The following NTRK2 variants were observed in gnomAD, a reference collection of about 807,000 sequenced individuals.
NTRK2 encodes the protein neurotrophic receptor tyrosine kinase 2.
In NTRK2, 13 loss-of-function variants were observed where a neutral mutation model predicts 94.5. The ratio of observed to expected loss-of-function variants is 0.14; its 90% CI spans 0.09 to 0.22. NTRK2 has a LOEUF of 0.22. Among genes scored for constraint, NTRK2 ranks in the 10% least tolerant of loss-of-function variants. NTRK2 has a pLI of 1.00. For synonymous variants in NTRK2, 372 were observed against 407.4 expected (o/e 0.91, Z 1.05); for missense variants, 639 against 1,071.2 (o/e 0.60, Z 5.63).
At chr9:84,846,335 A>G (rs1314676591) in intron 12 of NTRK2, among the ~76,000 whole-genome samples, 3 of 152,246 alleles carry the variant, frequency 2.0e-5, no homozygotes, top group Admixed American at 1.3e-4. Context: ...CATGTGATCA[A>G]TAGAATGCAG....
chr9:84,841,698 C>CA (rs769617502), intron 12 of NTRK2, among the ~76,000 whole-genome samples: 3 of 152,194 alleles, frequency 2.0e-5, no homozygotes, highest in Non-Finnish European at 4.4e-5. Context: ...TCCCTCCTCC[C>CA]ACCTTACTTA....
chr9:84,811,711 C>T (rs1299526214), intron 12 of NTRK2: 5 of 1,065,526 alleles, frequency 4.7e-6, no homozygotes, highest in South Asian at 4.5e-5. Context: ...GGTGGCAGGT[C>T]GCTAATGAAT....
intron 2 of NTRK2, among the ~76,000 whole-genome samples, chr9:84,701,602 A>G (rs2060725498): frequency 6.6e-6 from 1 of 152,144 alleles, no homozygotes; most frequent in Non-Finnish European, 1.5e-5. Flanking sequence ...TGGTTCATCA[A>G]AGGAAAGATT....
chr9:84,804,823 A>T (rs1413422889), intron 12 of NTRK2, among the ~76,000 whole-genome samples: 1 of 152,194 alleles, frequency 6.6e-6, no homozygotes, highest in African/African-American at 2.4e-5. Context: ...TATCGACCCT[A>T]TAGATTTTTC....
chr9:84,710,149 A>T (rs2061344833), intron 5 of NTRK2, among the ~76,000 whole-genome samples: 1 of 152,202 alleles, frequency 6.6e-6, no homozygotes, highest in Admixed American at 6.5e-5. Context: ...TTAGCTTTGT[A>T]CTTACAGTCT....
At chr9:84,926,247 T>A (rs1472867339) in intron 14 of NTRK2, among the ~76,000 whole-genome samples, 1 of 150,366 alleles carries the variant, frequency 6.7e-6, no homozygotes, top group Non-Finnish European at 1.5e-5. Context: ...TTTCCTTCTT[T>A]TTGAGATGGA....
intron 14 of NTRK2, among the ~76,000 whole-genome samples, chr9:84,892,206 G>A (rs1014559336): frequency 4.6e-5 from 7 of 152,152 alleles, no homozygotes; most frequent in African/African-American, 1.7e-4. Flanking sequence ...TGCTACACAG[G>A]ATTGTATATT....
chr9:84,676,139 G>C (rs908940245), intron 2 of NTRK2, among the ~76,000 whole-genome samples: 1 of 152,192 alleles, frequency 6.6e-6, no homozygotes, highest in Non-Finnish European at 1.5e-5. Context: ...CCAGTTACCT[G>C]ATCTTGAAGC....
intron 9 of NTRK2, among the ~76,000 whole-genome samples, chr9:84,730,529 A>T (rs2132121097): frequency 7.5e-6 from 1 of 133,806 alleles, no homozygotes; most frequent in East Asian, 2.1e-4. Flanking sequence ...TCACGAGGTC[A>T]GGAGATCGAG....
chr9:84,930,424 G>A (rs1426144790), intron 14 of NTRK2, among the ~76,000 whole-genome samples: 1 of 152,160 alleles, frequency 6.6e-6, no homozygotes, highest in Non-Finnish European at 1.5e-5. Context: ...GTGGTGCAGG[G>A]TAATGGCTCC....
At chr9:84,889,361 AC>A (rs1258985283) in intron 14 of NTRK2, among the ~76,000 whole-genome samples, 2 of 152,002 alleles carry the variant, frequency 1.3e-5, no homozygotes, top group African/African-American at 2.4e-5. Flanking sequence ...ATTCTAAAAT[AC>A]CTTTGATACT....
At chr9:84,794,923 C>T (rs1033106388) in intron 12 of NTRK2, among the ~76,000 whole-genome samples, 7 of 152,150 alleles carry the variant, frequency 4.6e-5, no homozygotes, top group Non-Finnish European at 1.0e-4. Flanking sequence ...ACAATCTCAT[C>T]AAAGCTGTGA....
At chr9:84,813,330 C>G in intron 12 of NTRK2, 1 of 1,016,868 alleles carries the variant, frequency 9.8e-7, no homozygotes, top group East Asian at 5.2e-5. Flanking sequence ...AAACATGAAA[C>G]CTGGATTTCG....
At chr9:84,780,052 T>C (rs2067416718) in intron 12 of NTRK2, among the ~76,000 whole-genome samples, 2 of 152,038 alleles carry the variant, frequency 1.3e-5, no homozygotes, top group Non-Finnish European at 2.9e-5. Context: ...CGGTTTTTTT[T>C]TTCCTTAAAA....
At chr9:84,719,405 G>C (rs557513910) in intron 6 of NTRK2, among the ~76,000 whole-genome samples, 2 of 152,096 alleles carry the variant, frequency 1.3e-5, no homozygotes, top group African/African-American at 4.8e-5. Flanking sequence ...TTTTAGAGCT[G>C]TTAATTATGT....
chr9:84,805,920 C>T (rs1384522694), intron 12 of NTRK2, among the ~76,000 whole-genome samples: 1 of 152,196 alleles, frequency 6.6e-6, no homozygotes, highest in Non-Finnish European at 1.5e-5. Context: ...AGCAAGAAGG[C>T]CCTCACAAGA....
chr9:84,724,885 T>C (rs2062335909), intron 8 of NTRK2, among the ~76,000 whole-genome samples: 1 of 152,352 alleles, frequency 6.6e-6, no homozygotes, highest in South Asian at 2.1e-4. Context: ...TAGAAAACTT[T>C]TATTATTATT....
In NTRK2 at chr9:85,023,835, C is replaced by T. The variant is rs950939241; in HGVS notation, c.*2398C>T. Reference sequence around the variant, plus strand: ...CGCTGCATGTCTGGCCAGCTAATCTCGGGGGAAAAGCTACAAGTTATTTAT... The same window carrying T: ...CGCTGCATGTCTGGCCAGCTAATCTTGGGGGAAAAGCTACAAGTTATTTAT... On this transcript the variant is annotated 3_prime_UTR_variant, in exon 19 of 19. Transcript: ENST00000277120. The T allele has an allele frequency of 4.4e-5, 10 of 228,872 alleles. No homozygotes were observed. Among genetic ancestry groups the T allele is most frequent in the Non-Finnish European group, 7.8e-5 (9 of 115,604 alleles). 14.2% of individuals were successfully genotyped at this position (228,872 alleles called of 1,614,324 possible). A position where few individuals can be genotyped will look rare whatever the true frequency, so the allele number is the denominator to read the frequency against.
chr9:84,888,982 A>ATTTTTTTTTTTTTTTTT lies in NTRK2; in HGVS notation c.1633+21561_1633+21577dup, dbSNP rs71369159. 9.7e-4 allele frequency among the ~76,000 whole-genome samples: 99 copies of ATTTTTTTTTTTTTTTTT among 101,704 alleles called. 29 individuals carry two copies. The highest frequency in any genetic ancestry group is 4.9e-3 in the Middle Eastern group (1 of 206). The allele number at this position is 101,704 out of a possible 152,430, so 66.7% of individuals were successfully genotyped here. A position where few individuals can be genotyped will look rare whatever the true frequency, so the allele number is the denominator to read the frequency against. Reference sequence around the variant, plus strand: ...TCCCCATTATTTATTAATGACAGAAATTTTTTTTTTTTTTTTTTTTTTTTT... The same window carrying ATTTTTTTTTTTTTTTTT: ...TCCCCATTATTTATTAATGACAGAAATTTTTTTTTTTTTTTTTTTTTTTTTTTTTTTTTTTTTTTTTT... On this transcript the variant is annotated intron_variant, in intron 14 of 18. Coordinates refer to ENST00000277120, the MANE Select transcript of NTRK2 (RefSeq NM_006180.6).
Sources: gnomAD v4.1 joint callset for allele counts (sites outside exome capture counted in the v4.1 genomes callset) on GRCh38, gnomAD v4.1.1 for gene constraint, MANE v1.5 for transcripts, NCBI Gene and HGNC (gene_info 2026-07-23, HGNC 2026-07-21) for gene names.